The following RRN3 variants were observed in gnomAD, a reference collection of about 807,000 sequenced individuals.
RRN3 encodes the protein RNA polymerase I-specific transcription initiation factor RRN3.
Under a neutral mutation model 82.3 loss-of-function variants are expected in RRN3, and 38 were observed. The observed-to-expected ratio is 0.46, with a 90% CI of 0.36 to 0.61. The LOEUF is 0.61. Ranked by LOEUF, RRN3 falls within the 20% of genes least tolerant of loss-of-function variation. RRN3 has a pLI of 0.00. For missense variants in RRN3, 726 were observed against 793.1 expected (o/e 0.92, Z 1.02); for synonymous variants, 284 against 284.3 (o/e 1.00, Z 0.01).
intron 5 of RRN3, among the ~76,000 whole-genome samples, 181 bp downstream of exon 5, chr16:15,085,947 CA>C (rs1333288640): frequency 6.6e-6 from 1 of 152,106 alleles, no homozygotes; most frequent in Admixed American, 6.5e-5. Flanking sequence ...TCATAAAACT[CA>C]CAGCAACAAA....
intron 11 of RRN3, among the ~76,000 whole-genome samples, chr16:15,073,370 C>A (rs557856057): frequency 6.6e-6 from 1 of 152,262 alleles, no homozygotes; most frequent in African/African-American, 2.4e-5. Flanking sequence ...GGCGGATGAA[C>A]CGCTTGAGCC....
At chr16:15,066,029 T>G (rs1409543000) in intron 15 of RRN3, among the ~76,000 whole-genome samples, 1 of 152,236 alleles carries the variant, frequency 6.6e-6, no homozygotes, top group Admixed American at 6.5e-5. Flanking sequence ...CTTGAAAAAT[T>G]ATCTATTGGA....
chr16:15,061,947 G>A (rs553976184), intron 17 of RRN3, 42 bp from the exon 18 acceptor site: 2 of 1,558,676 alleles, frequency 1.3e-6, no homozygotes, highest in Non-Finnish European at 1.8e-6. Context: ...CACCAGTGCT[G>A]ACTGAAAAGC....
chr16:15,094,008 T>C, intron 1 of RRN3, 137 bp downstream of exon 1: 1 of 749,532 alleles, frequency 1.3e-6, no homozygotes, highest in South Asian at 1.5e-5. Context: ...CTCATTTCTG[T>C]GAACGTGAGA....
intron 12 of RRN3, 126 bp downstream of exon 12, chr16:15,072,824 G>T: frequency 1.1e-6 from 1 of 933,790 alleles, no homozygotes; most frequent in Non-Finnish European, 1.6e-6. Flanking sequence ...TTATTAAGCA[G>T]ACTAGCAAGT....
intron 9 of RRN3, among the ~76,000 whole-genome samples, chr16:15,077,225 G>A (rs979402452): frequency 4.0e-5 from 6 of 151,812 alleles, no homozygotes; most frequent in Non-Finnish European, 4.4e-5. Flanking sequence ...GTGATCCACC[G>A]GCCTCAGCTT....
At chr16:15,063,112 G>T in intron 17 of RRN3, 84 bp downstream of exon 17, 1 of 1,038,952 alleles carries the variant, frequency 9.6e-7, no homozygotes, top group South Asian at 1.3e-5. Context: ...TTACACGCAC[G>T]AACGACTTGC....
chr16:15,072,499 G>C (rs1234568432), intron 12 of RRN3, among the ~76,000 whole-genome samples: 1 of 152,118 alleles, frequency 6.6e-6, no homozygotes, highest in Non-Finnish European at 1.5e-5. Flanking sequence ...TTCTCTCCAA[G>C]TGTACTGAGA....
intron 10 of RRN3, among the ~76,000 whole-genome samples, chr16:15,075,835 T>A (rs2045429863): frequency 6.6e-6 from 1 of 152,024 alleles, no homozygotes; most frequent in African/African-American, 2.4e-5. Flanking sequence ...GATATCCACC[T>A]CCCCACTGCT....
In RRN3 at chr16:15,092,561, T is replaced by C; in HGVS notation, c.143A>G (p.Lys48Arg). Residue 48 changes from lysine to arginine, a missense_variant, in exon 2 of 18, where the codon AAA becomes AGA. This residue lies in a region of RRN3 where 135 missense variants were observed against 87.4 expected (regional missense o/e 1.55). Coordinates refer to ENST00000198767, the MANE Select transcript of RRN3 (RefSeq NM_018427.5). ...CACAGTTCCACCAAACCGAACAGTT[T>C]TTCTTGGGGGAGAATTGAAAAAGTC... ...ENDFFNSPPR[K>R]TVRFGGTVTE... The C allele has an allele frequency of 1.2e-6, 2 of 1,613,754 alleles. No individual in the cohort carries two copies. The highest frequency in any genetic ancestry group is 2.2e-5 in the East Asian group (1 of 44,872).
In RRN3 at chr16:15,084,818, C is replaced by G. The variant is rs1168826760; in HGVS notation, c.533-113G>C. 24 of 773,992 alleles carry G rather than the reference C, an allele frequency of 3.1e-5. No homozygotes were observed. The Middle Eastern group carries it at 1.1e-3, about 37-fold the overall frequency. The allele number at this position is 773,992 out of a possible 1,614,324, so 47.9% of individuals were successfully genotyped here. Reference sequence around the variant, plus strand: ...CAGTGGCTCACGCCTGTAATCCCAGCACTTTGGGAGGCCGAGGTGGGTGGA... The same window carrying G: ...CAGTGGCTCACGCCTGTAATCCCAGGACTTTGGGAGGCCGAGGTGGGTGGA... On this transcript the variant is annotated intron_variant, in intron 6 of 17. Transcript: ENST00000198767.
intron 7 of RRN3, among the ~76,000 whole-genome samples, 159 bp downstream of exon 7, chr16:15,084,483 T>A (rs1475604425): frequency 1.3e-5 from 2 of 152,086 alleles, no homozygotes; most frequent in East Asian, 3.9e-4. Context: ...AAAATGGAAA[T>A]GCCACTTTTT....
intron 5 of RRN3, 61 bp from the exon 6 acceptor site, chr16:15,085,759 C>T (rs1203599733): frequency 4.4e-6 from 7 of 1,601,404 alleles, no homozygotes; most frequent in Non-Finnish European, 5.1e-6. Flanking sequence ...AATGGCTATA[C>T]AAAAAAAGTT....
In RRN3 at chr16:15,086,242, T is replaced by G. The variant is rs1264628429; in HGVS notation, c.359A>C (p.Asn120Thr). 1.9e-6 allele frequency: 3 copies of G among 1,584,710 alleles called. No individual in the cohort carries two copies. The highest frequency in any genetic ancestry group is 2.6e-6 in the Non-Finnish European group (3 of 1,159,136). The change falls in exon 5 of 18, where the codon AAT becomes ACT. Residue 120 changes from asparagine (N) to threonine (T), a missense_variant. Asn to Thr is a moderately conservative substitution (Grantham distance 65). Coordinates refer to ENST00000198767, the MANE Select transcript of RRN3 (RefSeq NM_018427.5). ...CTCTTCCACTACTGTTTGACTTCTATTCAACCAAGGCAATCTCTAGAGTGG... is the reference window on the plus strand; with the variant it reads ...CTCTTCCACTACTGTTTGACTTCTAGTCAACCAAGGCAATCTCTAGAGTGG... Reference protein sequence around the residue: ...ISIILRLPWLNRSQTVVEEYL... With the variant: ...ISIILRLPWLTRSQTVVEEYL...
At chr16:15,067,570 T>C (rs1352027859) in intron 15 of RRN3, among the ~76,000 whole-genome samples, 1 of 148,966 alleles carries the variant, frequency 6.7e-6, no homozygotes, top group African/African-American at 2.5e-5. Flanking sequence ...TTGCCTCATG[T>C]CCAGTTTATT....
chr16:15,081,529 T>A (rs2151803307), intron 8 of RRN3, among the ~76,000 whole-genome samples: 1 of 152,360 alleles, frequency 6.6e-6, no homozygotes, highest in African/African-American at 2.4e-5. Flanking sequence ...TCAGTTGGGC[T>A]ATTTGCCCTT....
chr16:15,086,962 T>C (rs2151816270), intron 3 of RRN3, among the ~76,000 whole-genome samples: 1 of 152,360 alleles, frequency 6.6e-6, no homozygotes, highest in African/African-American at 2.4e-5. Flanking sequence ...GTGATTGTTC[T>C]GTATAAATGA....
At chr16:15,087,129 T>C (rs189194923) in intron 3 of RRN3, among the ~76,000 whole-genome samples, 3 of 152,200 alleles carry the variant, frequency 2.0e-5, no homozygotes. Context: ...TTCATGCATA[T>C]ATACTGCACA....
rs556440579 is a variant in RRN3, at chr16:15,074,745, C to T, written c.975G>A (p.Met325Ile). The T allele has an allele frequency of 3.7e-6, 6 of 1,613,786 alleles. No individual in the cohort carries two copies. The African/African-American group carries it at 8.0e-5, about 22-fold the overall frequency. ...DILMSLVLSY[M>I]KDVCYVDGKV... ...TACCATCTACATAGCAGACATCCTT[C>T]ATGTAGGACAAAACCAAAGACATCA... The change falls in exon 11 of 18, where the codon ATG becomes ATA. Residue 325 changes from methionine (M) to isoleucine (I), a missense_variant. Physicochemically the swap from Met to Ile is conservative, Grantham distance 10. This residue lies in a region of RRN3 where 344 missense variants were observed against 394.5 expected (regional missense o/e 0.87). Coordinates refer to ENST00000198767, the MANE Select transcript of RRN3 (RefSeq NM_018427.5).
Sources: gnomAD v4.1 joint callset for allele counts (sites outside exome capture counted in the v4.1 genomes callset) on GRCh38, gnomAD v4.1.1 for gene constraint, gnomAD v4.1.1 regional missense constraint, MANE v1.5 for transcripts, NCBI Gene and HGNC (gene_info 2026-07-23, HGNC 2026-07-21) for gene names.